The following PCDHGA3 variants were observed in gnomAD, a reference collection of about 807,000 sequenced individuals.
The protein encoded by PCDHGA3 is protocadherin gamma-A3.
In PCDHGA3, 40 loss-of-function variants were observed where a neutral mutation model predicts 58.5. The ratio of observed to expected loss-of-function variants is 0.68; its 90% CI spans 0.53 to 0.89. PCDHGA3 has a LOEUF of 0.89. Ranked by LOEUF, PCDHGA3 falls within the 40% of genes least tolerant of loss-of-function variation. PCDHGA3 has a pLI of 0.00. For synonymous variants in PCDHGA3, 530 were observed against 525.7 expected (o/e 1.01, Z -0.11); for missense variants, 1,223 against 1,195.9 (o/e 1.02, Z -0.33).
At chr5:141,471,046 C>CT (rs1170588345) in intron 1 of PCDHGA3, among the ~76,000 whole-genome samples, 3,156 of 113,234 alleles carry the variant, frequency 0.028, 57 homozygotes, top group African/African-American at 0.046. Context: ...CCCAAGCCCT[C>CT]TTTTTTTTTT....
intron 1 of PCDHGA3, chr5:141,422,893 C>A (rs1405800318): frequency 4.3e-6 from 7 of 1,614,246 alleles, no homozygotes; most frequent in Non-Finnish European, 5.9e-6. Context: ...CGTGCTGGAC[C>A]AGAACGACAA....
intron 1 of PCDHGA3, chr5:141,398,713 C>G (rs772426523): frequency 6.2e-7 from 1 of 1,613,828 alleles, no homozygotes; most frequent in Non-Finnish European, 8.5e-7. Context: ...GGAACTGGCA[C>G]TGGAGAAAAC....
At chr5:141,403,803 T>C (rs1323082699) in intron 1 of PCDHGA3, 5 of 1,613,668 alleles carry the variant, frequency 3.1e-6, no homozygotes. Context: ...TTCTGGAAAA[T>C]TAATGAAAAA....
chr5:141,456,139 C>T (rs999574407), intron 1 of PCDHGA3, among the ~76,000 whole-genome samples: 20 of 152,010 alleles, frequency 1.3e-4, no homozygotes, highest in Admixed American at 9.8e-4. Context: ...CCTCCTGATC[C>T]GCCCGCCTCG....
chr5:141,361,197 T>A, intron 1 of PCDHGA3: 1 of 1,613,872 alleles, frequency 6.2e-7, no homozygotes, highest in South Asian at 1.1e-5. Flanking sequence ...CAGTATCTAC[T>A]CCCCTACCGG....
chr5:141,376,914 C>G (rs1025348102), intron 1 of PCDHGA3: 2 of 179,598 alleles, frequency 1.1e-5, no homozygotes, highest in Non-Finnish European at 2.3e-5. Flanking sequence ...GTCTCGATCT[C>G]CTGACCTCAT....
chr5:141,404,330 T>C, intron 1 of PCDHGA3: 1 of 1,613,934 alleles, frequency 6.2e-7, no homozygotes, highest in African/African-American at 1.3e-5. Context: ...CTACTCAGTC[T>C]ACCTCCCGGA....
At chr5:141,363,379 C>A (rs1307395105) in intron 1 of PCDHGA3, among the ~76,000 whole-genome samples, 1 of 151,982 alleles carries the variant, frequency 6.6e-6, no homozygotes, top group Non-Finnish European at 1.5e-5. Flanking sequence ...AGAGGTTTTT[C>A]TATTTCTGTT....
chr5:141,379,889 C>CTTTTTTTTTTTTTTTTTTTTTTTTTTTT lies in PCDHGA3; in HGVS notation c.2424+33435_2424+33462dup, dbSNP rs70988800. On this transcript the variant is annotated intron_variant, in intron 1 of 3. Transcript: ENST00000253812. The stretch of plus-strand genomic sequence containing the variant: ...CTTATTTTATGGTCTGTGAAAGCCT[C>CTTTTTTTTTTTTTTTTTTTTTTTTTTTT]TTTTTTTTTTTTTTTTTTTTTTTTT... Among the ~76,000 whole-genome samples the CTTTTTTTTTTTTTTTTTTTTTTTTTTTT allele has an allele frequency of 5.5e-4, 28 of 50,832 alleles. 8 individuals are homozygous for CTTTTTTTTTTTTTTTTTTTTTTTTTTTT. The highest frequency in any genetic ancestry group is 7.7e-4 in the Non-Finnish European group (20 of 25,882). 33.3% of individuals were successfully genotyped at this position (50,832 alleles called of 152,430 possible). A position where few individuals can be genotyped will look rare whatever the true frequency, so the allele number is the denominator to read the frequency against.
At chr5:141,436,300 G>A (rs966232889) in intron 1 of PCDHGA3, among the ~76,000 whole-genome samples, 1 of 152,180 alleles carries the variant, frequency 6.6e-6, no homozygotes, top group African/African-American at 2.4e-5. Flanking sequence ...TTGAGAGTTA[G>A]AGCATGAATA....
Position 141,344,862 on chromosome 5 carries a change from G to A in PCDHGA3, c.829G>A (p.Val277Met), listed in dbSNP as rs1757484373. The change falls in exon 1 of 4, where the codon GTG (valine) becomes ATG (methionine). Residue 277 changes from valine to methionine, a missense_variant. Transcript: ENST00000253812. ...TDPDEGFNAQ[V>M]SYILDKMPGK... Reference sequence around the variant, plus strand: ...CCCTGACGAGGGATTCAATGCTCAAGTGTCTTATATTCTAGATAAAATGCC... The same window carrying A: ...CCCTGACGAGGGATTCAATGCTCAAATGTCTTATATTCTAGATAAAATGCC... 1 of 1,613,994 alleles carries A rather than the reference G, an allele frequency of 6.2e-7. No individual in the cohort carries two copies. Among genetic ancestry groups the A allele is most frequent in the Middle Eastern group, 1.6e-4 (1 of 6,062 alleles).
chr5:141,435,194 C>G (rs538114313), intron 1 of PCDHGA3, among the ~76,000 whole-genome samples: 85 of 152,214 alleles, frequency 5.6e-4, no homozygotes, highest in Middle Eastern at 6.8e-3. Flanking sequence ...AGATGGCTAG[C>G]AAATTCATAA....
In PCDHGA3 at chr5:141,485,472, C is replaced by T. The variant is rs1185020546; in HGVS notation, c.2425-9335C>T. On this transcript the variant is annotated intron_variant, in intron 1 of 3. Transcript: ENST00000253812. This position sits in a 1 kb window ranked among gnomAD's most constrained non-coding sequence, Gnocchi z 5.7. The stretch of plus-strand genomic sequence containing the variant: ...CGAGAGGCACTGTGTGGGCTCAGTG[C>T]CAGCTGCATCGTGCCCCTGGAGTTT... The T allele has an allele frequency of 3.1e-6, 5 of 1,614,138 alleles. No individual in the cohort carries two copies. In the South Asian group the frequency reaches 5.5e-5, roughly 18 times the overall value.
Position 141,485,449 on chromosome 5 carries a change from A to G in PCDHGA3, c.2425-9358A>G, listed in dbSNP as rs2099613844. 6.2e-7 allele frequency: 1 copy of G among 1,614,054 alleles called. No homozygotes were observed. The highest frequency in any genetic ancestry group is 2.2e-5 in the East Asian group (1 of 44,876). On this transcript the variant is annotated intron_variant, in intron 1 of 3. Coordinates refer to ENST00000253812, the MANE Select transcript of PCDHGA3 (RefSeq NM_018916.4). The surrounding 1 kb of genome is among the most constrained non-coding windows in gnomAD (Gnocchi z 5.7). ...TGCTCATCAAGAACCCAATCGACCG[A>G]GAGGCACTGTGTGGGCTCAGTGCCA...
rs1298448753 is a variant in PCDHGA3 at position 141,486,417 on chromosome 5, G to A, written c.2425-8390G>A. 1 of 1,614,132 alleles carries A rather than the reference G, an allele frequency of 6.2e-7. No individual in the cohort carries two copies. Among genetic ancestry groups the A allele is most frequent in the Non-Finnish European group, 8.5e-7 (1 of 1,179,998 alleles). ...CTGGTGACTGCTGGACCCTTGGATC[G>A]AGAGGCCAAATCTAGCTATGACATC... On this transcript the variant is annotated intron_variant, in intron 1 of 3. Transcript: ENST00000253812. The surrounding 1 kb of genome is among the most constrained non-coding windows in gnomAD (Gnocchi z 5.0).
intron 1 of PCDHGA3, chr5:141,427,864 A>G: frequency 6.4e-7 from 1 of 1,557,574 alleles, no homozygotes; most frequent in Non-Finnish European, 8.8e-7. Flanking sequence ...TGCGCCTTCG[A>G]GCTCACGATG....
At chr5:141,455,503 T>C (rs1005615473) in intron 1 of PCDHGA3, among the ~76,000 whole-genome samples, 3 of 152,302 alleles carry the variant, frequency 2.0e-5, no homozygotes, top group Middle Eastern at 3.4e-3. Context: ...CTGATTTGCA[T>C]AGGGCTCAGG....
At chr5:141,450,008 T>C (rs78952430) in intron 1 of PCDHGA3, among the ~76,000 whole-genome samples, 2 of 37,390 alleles carry the variant, frequency 5.3e-5, no homozygotes, top group African/African-American at 6.8e-4. Flanking sequence ...CCATGTCTCT[T>C]TTTTTTTTTT....
chr5:141,485,827 G>A lies in PCDHGA3; in HGVS notation c.2425-8980G>A. 1 of 1,614,154 alleles carries A rather than the reference G, an allele frequency of 6.2e-7. No individual in the cohort carries two copies. The highest frequency in any genetic ancestry group is 1.1e-5 in the South Asian group (1 of 91,080). On this transcript the variant is annotated intron_variant, in intron 1 of 3. Coordinates refer to ENST00000253812, the MANE Select transcript of PCDHGA3 (RefSeq NM_018916.4). The surrounding 1 kb of genome is among the most constrained non-coding windows in gnomAD (Gnocchi z 5.7). Reference sequence around the variant, plus strand: ...TGGTGCTGACTGCTGTCGATGGAGGGAACCCGCCGAGATCTGGCACCGCAG... The same window carrying A: ...TGGTGCTGACTGCTGTCGATGGAGGAAACCCGCCGAGATCTGGCACCGCAG...
Sources: gnomAD v4.1 joint callset for allele counts (sites outside exome capture counted in the v4.1 genomes callset) on GRCh38, gnomAD v4.1.1 for gene constraint, Gnocchi (gnomAD v3.1) non-coding constraint, MANE v1.5 for transcripts, NCBI Gene and HGNC (gene_info 2026-07-23, HGNC 2026-07-21) for gene names.